Variants in KAZN observed in about 807,000 individuals in gnomAD.
KAZN encodes the protein kazrin.
KAZN carries 40 observed loss-of-function variants against 87.4 expected under a neutral mutation model. The observed-to-expected ratio is 0.46, with a 90% CI of 0.36 to 0.60. The LOEUF (loss-of-function observed/expected upper bound fraction) is 0.60. KAZN is among the 20% of genes least tolerant of loss of function. The pLI is 0.00. For missense variants in KAZN, 898 were observed against 1,073.9 expected (o/e 0.84, Z 2.29); for synonymous variants, 466 against 458.3 (o/e 1.02, Z -0.22).
chr1:14,478,698 G>C (rs1275915252), intron 2 of KAZN, among the ~76,000 whole-genome samples: 1 of 151,858 alleles, frequency 6.6e-6, no homozygotes, highest in Non-Finnish European at 1.5e-5. Context: ...TCCCTACCTC[G>C]TGCTCCATGG....
intron 2 of KAZN, among the ~76,000 whole-genome samples, chr1:14,402,035 G>A: frequency 6.6e-6 from 1 of 150,516 alleles, no homozygotes; most frequent in African/African-American, 2.4e-5. Flanking sequence ...ATAGGCATAA[G>A]AATCAAAAAG....
chr1:14,156,730 A>G lies in KAZN; in HGVS notation c.92-23705A>G, dbSNP rs149919802. ...TTATTTTCAGCCTATGTGTGTCTTC[A>G]TAGGTGAAGCATGTATCTTGAAGGC... On this transcript the variant is annotated intron_variant, in intron 1 of 16. Transcript: ENST00000636203. 7.6e-3 allele frequency among the ~76,000 whole-genome samples: 1,157 copies of G among 152,104 alleles called. 11 individuals carry two copies. Among genetic ancestry groups the G allele is most frequent in the Middle Eastern group, 0.024 (7 of 294 alleles).
intron 1 of KAZN, among the ~76,000 whole-genome samples, chr1:13,895,981 A>G (rs1474245817): frequency 1.7e-5 from 2 of 120,306 alleles, no homozygotes; most frequent in African/African-American, 6.2e-5. Context: ...TATCTCCTGT[A>G]ATTTTCATAA....
chr1:14,836,073 T>C (rs1647240769), intron 1 of KAZN, among the ~76,000 whole-genome samples: 1 of 152,134 alleles, frequency 6.6e-6, no homozygotes, highest in African/African-American at 2.4e-5. Context: ...TCCGCCCCGC[T>C]AGCAGGAGAC....
chr1:14,895,821 G>C (rs1432835627), intron 1 of KAZN, among the ~76,000 whole-genome samples: 1 of 152,160 alleles, frequency 6.6e-6, no homozygotes, highest in African/African-American at 2.4e-5. Context: ...GTCTCCCCAA[G>C]GTGTATAGTT....
intron 1 of KAZN, among the ~76,000 whole-genome samples, chr1:14,078,629 C>T (rs1459489653): frequency 6.6e-6 from 1 of 152,166 alleles, no homozygotes; most frequent in African/African-American, 2.4e-5. Context: ...TCATAGACGG[C>T]GCCTTCTCAC....
chr1:14,606,451 C>G (rs1677365131), intron 1 of KAZN, among the ~76,000 whole-genome samples: 1 of 152,144 alleles, frequency 6.6e-6, no homozygotes, highest in Non-Finnish European at 1.5e-5. Flanking sequence ...GACTGGCAGC[C>G]CAGGGGCCAC....
chr1:14,142,499 C>T (rs1477603048), intron 1 of KAZN, among the ~76,000 whole-genome samples: 1 of 152,188 alleles, frequency 6.6e-6, no homozygotes, highest in Non-Finnish European at 1.5e-5. Flanking sequence ...GTACAAAATA[C>T]ACACTTTACG....
At chr1:13,951,361 G>A (rs1361110881) in intron 1 of KAZN, among the ~76,000 whole-genome samples, 1 of 152,126 alleles carries the variant, frequency 6.6e-6, no homozygotes, top group African/African-American at 2.4e-5. Flanking sequence ...GGGTAGATGA[G>A]GATAAGATGA....
chr1:14,562,243 G>A (rs1674303887), intron 2 of KAZN, among the ~76,000 whole-genome samples: 1 of 152,162 alleles, frequency 6.6e-6, no homozygotes, highest in African/African-American at 2.4e-5. Context: ...CAATTGCCTG[G>A]GAGTCAAAGC....
chr1:14,931,987 C>T (rs914905327), intron 1 of KAZN, among the ~76,000 whole-genome samples: 2 of 152,128 alleles, frequency 1.3e-5, no homozygotes, highest in Middle Eastern at 3.2e-3. Context: ...TGTGAACTCA[C>T]AAGACTGCCG....
At chr1:14,183,646 C>A (rs1646245509) in intron 2 of KAZN, among the ~76,000 whole-genome samples, 1 of 152,150 alleles carries the variant, frequency 6.6e-6, no homozygotes, top group South Asian at 2.1e-4. Flanking sequence ...CTGTGTGACT[C>A]CGCATGCTAA....
rs1028511198 is a variant in KAZN, at chr1:14,904,299, C to T, written c.227-56385C>T. 1.3e-4 allele frequency among the ~76,000 whole-genome samples: 15 copies of T among 114,538 alleles called. No homozygotes were observed. The South Asian group carries it at 2.0e-3, about 15-fold the overall frequency. The allele number at this position is 114,538 out of a possible 152,430, so 75.1% of individuals were successfully genotyped here. A position where few individuals can be genotyped will look rare whatever the true frequency, so the allele number is the denominator to read the frequency against. On this transcript the variant is annotated intron_variant, in intron 1 of 14. Transcript: ENST00000376030. ...CGGCCTGGGCGAAAGAGCGAGACTC[C>T]GTCTCAAAAGAAAAAAAAAAAAAAA...
intron 1 of KAZN, among the ~76,000 whole-genome samples, chr1:14,054,354 C>G (rs1229445265): frequency 2.0e-5 from 3 of 152,178 alleles, no homozygotes; most frequent in Non-Finnish European, 4.4e-5. Flanking sequence ...TGGCATGTGC[C>G]TATAAGGTCT....
chr1:14,827,611 T>C (rs1279357474), intron 1 of KAZN, among the ~76,000 whole-genome samples: 1 of 152,138 alleles, frequency 6.6e-6, no homozygotes. Context: ...AGAGGAGGGT[T>C]GTTGGGAAAG....
intron 2 of KAZN, among the ~76,000 whole-genome samples, chr1:14,982,067 AC>A (rs1341425480): frequency 6.6e-6 from 1 of 152,178 alleles, no homozygotes. Context: ...CTGTCTGCAT[AC>A]GTGGTCCCAT....
In KAZN at chr1:15,096,598, C is replaced by A. The variant is rs919777207; in HGVS notation, c.1547+1665C>A. 1.3e-5 allele frequency among the ~76,000 whole-genome samples: 2 copies of A among 152,234 alleles called. No homozygotes were observed. The highest frequency in any genetic ancestry group is 2.9e-5 in the Non-Finnish European group (2 of 68,044). On this transcript the variant is annotated intron_variant, in intron 10 of 14. Transcript: ENST00000376030. This position sits in a 1 kb window ranked among gnomAD's most constrained non-coding sequence, Gnocchi z 4.5. Reference sequence around the variant, plus strand: ...ACCATCTGGGTTGCTTAGACAACAACTTACGTCTCACAGTTCTGGAGGCTG... The same window carrying A: ...ACCATCTGGGTTGCTTAGACAACAAATTACGTCTCACAGTTCTGGAGGCTG...
At chr1:15,038,561 A>G (rs1370757918) in intron 3 of KAZN, among the ~76,000 whole-genome samples, 1 of 152,190 alleles carries the variant, frequency 6.6e-6, no homozygotes, top group African/African-American at 2.4e-5. Context: ...TACTGTATAC[A>G]GGCATGAATG....
chr1:14,462,317 T>G lies in KAZN; in HGVS notation c.250-136666T>G, dbSNP rs72872380. On this transcript the variant is annotated intron_variant, in intron 2 of 16. Coordinates refer to the KAZN transcript ENST00000636203. ...ACAGGGAGCCCCTAGATTTCCACCATACAAACCTGGGTCCTGGAAGCTTTC... is the reference window on the plus strand; with the variant it reads ...ACAGGGAGCCCCTAGATTTCCACCAGACAAACCTGGGTCCTGGAAGCTTTC... Among the ~76,000 whole-genome samples, 839 of 152,088 alleles carry G rather than the reference T, an allele frequency of 5.5e-3. 4 individuals are homozygous for G. Among genetic ancestry groups the G allele is most frequent in the African/African-American group, 0.019 (808 of 41,518 alleles).
Sources: gnomAD v4.1 joint callset for allele counts (sites outside exome capture counted in the v4.1 genomes callset) on GRCh38, gnomAD v4.1.1 for gene constraint, Gnocchi (gnomAD v3.1) non-coding constraint, MANE v1.5 for transcripts, NCBI Gene and HGNC (gene_info 2026-07-23, HGNC 2026-07-21) for gene names.